The following NAP1L4 variants were observed in gnomAD, a reference collection of about 807,000 sequenced individuals.
The protein encoded by NAP1L4 is nucleosome assembly protein 1-like 4.
In NAP1L4, 15 loss-of-function variants were observed where a neutral mutation model predicts 58.2. The ratio of observed to expected loss-of-function variants is 0.26; its 90% CI spans 0.17 to 0.40. NAP1L4 has a LOEUF of 0.40. Ranked by LOEUF, NAP1L4 falls within the 10% of genes least tolerant of loss-of-function variation. NAP1L4 has a pLI of 1.00. For missense variants in NAP1L4, 384 were observed against 451.1 expected (o/e 0.85, Z 1.35); for synonymous variants, 171 against 155.6 (o/e 1.10, Z -0.74).
intron 1 of NAP1L4, chr11:2,990,868 T>C (rs1459570586): frequency 9.2e-6 from 3 of 327,654 alleles, no homozygotes; most frequent in South Asian, 4.7e-5. Flanking sequence ...TTTAGAGGTA[T>C]AGTTACTATT....
chr11:2,958,584 G>A (rs933391872), intron 9 of NAP1L4, 40 bp from the exon 10 acceptor site: 11 of 1,590,026 alleles, frequency 6.9e-6, no homozygotes, highest in South Asian at 1.1e-5. Context: ...CACAATCCAT[G>A]AGAAAAATCC....
intron 8 of NAP1L4, among the ~76,000 whole-genome samples, chr11:2,962,937 TAAA>T (rs1276018572): frequency 6.6e-6 from 1 of 150,936 alleles, no homozygotes; most frequent in African/African-American, 2.4e-5. Context: ...ACGTCTCTAC[TAAA>T]AATACAAAAA....
In NAP1L4 at chr11:2,971,485, T is replaced by C; in HGVS notation, c.365A>G (p.Glu122Gly). The change falls in exon 6 of 16, where the codon GAA (glutamate) becomes GGA (glycine). Residue 122 changes from glutamate (E) to glycine (G), a missense_variant. This residue lies in a region of NAP1L4 where 296 missense variants were observed against 360.8 expected (regional missense o/e 0.82). Coordinates refer to ENST00000380542, the MANE Select transcript of NAP1L4 (RefSeq NM_005969.4). This position sits in a 1 kb window ranked among gnomAD's most constrained non-coding sequence, Gnocchi z 4.2. ...GDVEPTDAES[E>G]WHSENEEEEK... ...TTCCTCTTCATTTTCACTGTGCCAT[T>C]CCGATTCCGCATCTGTTGGTTCAAC... 1 of 1,613,968 alleles carries C rather than the reference T, an allele frequency of 6.2e-7. No homozygotes were observed. Among genetic ancestry groups the C allele is most frequent in the Non-Finnish European group, 8.5e-7 (1 of 1,180,032 alleles).
rs1432603102 is a variant in NAP1L4 at position 2,949,536 on chromosome 11, A to C, written c.1123-272T>G. 6.6e-6 allele frequency among the ~76,000 whole-genome samples: 1 copy of C among 152,172 alleles called. No homozygotes were observed. Among genetic ancestry groups the C allele is most frequent in the East Asian group, 1.9e-4 (1 of 5,194 alleles). Reference sequence around the variant, plus strand: ...ACTCTAACACTGCCCATCTCTCTGGAAGGTGCATGTGACAGGGACAGCAGG... The same window carrying C: ...ACTCTAACACTGCCCATCTCTCTGGCAGGTGCATGTGACAGGGACAGCAGG... On this transcript the variant is annotated intron_variant, in intron 14 of 15. Transcript: ENST00000380542. This position sits in a 1 kb window ranked among gnomAD's most constrained non-coding sequence, Gnocchi z 4.0.
At chr11:2,984,058 C>A (rs1477902135) in intron 1 of NAP1L4, among the ~76,000 whole-genome samples, 1 of 149,894 alleles carries the variant, frequency 6.7e-6, no homozygotes, top group South Asian at 2.1e-4. Context: ...ACTTGAGTGG[C>A]TGAGACAGAA....
At chr11:2,981,619 G>C (rs977399779) in intron 1 of NAP1L4, 1 of 152,032 alleles carries the variant, frequency 6.6e-6, no homozygotes, top group African/African-American at 2.4e-5. Context: ...ACCTGAAGTG[G>C]GGAGTTCGAG....
intron 10 of NAP1L4, among the ~76,000 whole-genome samples, chr11:2,956,594 G>A (rs539219639): frequency 2.6e-4 from 40 of 152,294 alleles, no homozygotes; most frequent in Admixed American, 6.5e-4. Context: ...TGTTGGGTGC[G>A]TAAACACCAC....
intron 1 of NAP1L4, among the ~76,000 whole-genome samples, chr11:2,982,484 C>T (rs1848381559): frequency 6.6e-6 from 1 of 152,170 alleles, no homozygotes; most frequent in Non-Finnish European, 1.5e-5. Context: ...CCAGCACCTC[C>T]TATACTAGCA....
At chr11:2,989,702 G>T (rs1007056796) in intron 1 of NAP1L4, among the ~76,000 whole-genome samples, 1 of 152,180 alleles carries the variant, frequency 6.6e-6, no homozygotes, top group African/African-American at 2.4e-5. Context: ...AGCTAACAAA[G>T]GGAATTAACA....
rs1847640440 is a variant in NAP1L4, at chr11:2,971,614, T to C, written c.316-80A>G. 6 of 1,126,500 alleles carry C rather than the reference T, an allele frequency of 5.3e-6. No homozygotes were observed. Among genetic ancestry groups the C allele is most frequent in the East Asian group, 2.5e-5 (1 of 39,510 alleles). 69.8% of individuals were successfully genotyped at this position (1,126,500 alleles called of 1,614,324 possible). On this transcript the variant is annotated intron_variant, in intron 5 of 15. Coordinates refer to ENST00000380542, the MANE Select transcript of NAP1L4 (RefSeq NM_005969.4). The surrounding 1 kb of genome is among the most constrained non-coding windows in gnomAD (Gnocchi z 4.2). ...AAGAGTTAAATTTATAAATAATGTCTACTAAAAGACTTTGAAAACTGGATA... is the reference window on the plus strand; with the variant it reads ...AAGAGTTAAATTTATAAATAATGTCCACTAAAAGACTTTGAAAACTGGATA...
chr11:2,992,057 C>CCCAAGCTCCAGGG (rs1849010307), intron 1 of NAP1L4, 197 bp downstream of exon 1: 1 of 151,786 alleles, frequency 6.6e-6, no homozygotes, highest in African/African-American at 2.4e-5. Context: ...GGGCTCCAGG[C>CCCAAGCTCCAGGG]CCCAAGCCCC....
chr11:2,959,226 CG>C lies in NAP1L4; in HGVS notation c.746+543del, dbSNP rs1402330750. On this transcript the variant is annotated intron_variant, in intron 9 of 15. Transcript: ENST00000380542. This position sits in a 1 kb window ranked among gnomAD's most constrained non-coding sequence, Gnocchi z 4.9. ...TTACTATTTACTTCTGGTAAATAAA[CG>C]TAATTGTTTCAAGTCAAGACTAAAA... Among the ~76,000 whole-genome samples, 1 of 152,196 alleles carries C rather than the reference CG, an allele frequency of 6.6e-6. No individual in the cohort carries two copies. The highest frequency in any genetic ancestry group is 2.4e-5 in the African/African-American group (1 of 41,454).
chr11:2,963,722 C>A (rs765285037), intron 8 of NAP1L4: 4 of 518,436 alleles, frequency 7.7e-6, no homozygotes, highest in South Asian at 2.8e-5. Context: ...CAGGCCCCTA[C>A]CACCATCACC....
intron 8 of NAP1L4, among the ~76,000 whole-genome samples, chr11:2,962,841 C>T (rs1354557098): frequency 6.6e-6 from 1 of 151,922 alleles, no homozygotes; most frequent in Non-Finnish European, 1.5e-5. Flanking sequence ...GTGGCTCATG[C>T]CTGTAATCCC....
At position 2,948,751 on chromosome 11, in the gene NAP1L4, T is replaced by A. The variant is rs1846069499; in HGVS notation, c.*32+476A>T. Among the ~76,000 whole-genome samples the A allele has an allele frequency of 6.6e-6, 1 of 152,250 alleles. No homozygotes were observed. Among genetic ancestry groups the A allele is most frequent in the African/African-American group, 2.4e-5 (1 of 41,462 alleles). ...AGCTGTTACCCCTCTGTGTACCTAT[T>A]GGTCTGCACAAAACATGAATTCAAA... On this transcript the variant is annotated intron_variant, in intron 15 of 15. Transcript: ENST00000380542. The surrounding 1 kb of genome is among the most constrained non-coding windows in gnomAD (Gnocchi z 5.1).
rs3814964 is a variant in NAP1L4 at position 2,978,277 on chromosome 11, G to T, written c.73+7C>A. ...GGATGCAAACTCTCCATGTGCAGTGGACTGACCTGTGTTACTTGCATTTTT... is the reference window on the plus strand; with the variant it reads ...GGATGCAAACTCTCCATGTGCAGTGTACTGACCTGTGTTACTTGCATTTTT... On this transcript the variant is annotated splice_region_variant and intron_variant, in intron 3 of 15. Transcript: ENST00000380542. The T allele has an allele frequency of 0.31, 502,319 of 1,611,538 alleles. 85,466 individuals carry two copies. Among genetic ancestry groups the T allele is most frequent in the East Asian group, 0.67 (29,978 of 44,802 alleles).
At chr11:2,977,883 A>AC (rs990649867) in intron 3 of NAP1L4, among the ~76,000 whole-genome samples, 21 of 151,082 alleles carry the variant, frequency 1.4e-4, no homozygotes, top group African/African-American at 4.2e-4. Context: ...AAAAAAAAAA[A>AC]ATGGCCAGGA....
chr11:2,949,935 T>C lies in NAP1L4; in HGVS notation c.1123-671A>G, dbSNP rs936372471. Among the ~76,000 whole-genome samples the C allele has an allele frequency of 7.9e-5, 12 of 152,246 alleles. No homozygotes were observed. Among genetic ancestry groups the C allele is most frequent in the South Asian group, 2.1e-4 (1 of 4,826 alleles). On this transcript the variant is annotated intron_variant, in intron 14 of 15. Transcript: ENST00000380542. This position sits in a 1 kb window ranked among gnomAD's most constrained non-coding sequence, Gnocchi z 4.0. Reference sequence around the variant, plus strand: ...TGGCCCTGCCAATTGACCCCAGTCCTTGCTTTACAACTGCAACCTTAAAAG... The same window carrying C: ...TGGCCCTGCCAATTGACCCCAGTCCCTGCTTTACAACTGCAACCTTAAAAG...
Position 2,949,973 on chromosome 11 carries a change from G to A in NAP1L4, c.1123-709C>T, listed in dbSNP as rs985218819. 2.0e-5 allele frequency among the ~76,000 whole-genome samples: 3 copies of A among 152,218 alleles called. No homozygotes were observed. Among genetic ancestry groups the A allele is most frequent in the Non-Finnish European group, 2.9e-5 (2 of 68,046 alleles). Reference sequence around the variant, plus strand: ...GCAACCTTAAAAGTGTCCATTCAGCGCCCACAAGGCGGAAACACAGCCCAA... The same window carrying A: ...GCAACCTTAAAAGTGTCCATTCAGCACCCACAAGGCGGAAACACAGCCCAA... On this transcript the variant is annotated intron_variant, in intron 14 of 15. Transcript: ENST00000380542. The surrounding 1 kb of genome is among the most constrained non-coding windows in gnomAD (Gnocchi z 4.0).
Sources: gnomAD v4.1 joint callset for allele counts (sites outside exome capture counted in the v4.1 genomes callset) on GRCh38, gnomAD v4.1.1 for gene constraint, gnomAD v4.1.1 regional missense constraint, Gnocchi (gnomAD v3.1) non-coding constraint, MANE v1.5 for transcripts, NCBI Gene and HGNC (gene_info 2026-07-23, HGNC 2026-07-21) for gene names.